Variants in HIPK1 observed in about 807,000 individuals in gnomAD.
The protein encoded by HIPK1 is homeodomain interacting protein kinase 1.
In HIPK1, 28 loss-of-function variants were observed where a neutral mutation model predicts 117.1. The ratio of observed to expected loss-of-function variants is 0.24; its 90% CI spans 0.18 to 0.33. The LOEUF is 0.33. Ranked by LOEUF, HIPK1 falls within the 10% of genes least tolerant of loss-of-function variation. The pLI, the probability that HIPK1 is intolerant of heterozygous loss-of-function variation, is 1.00. For synonymous variants in HIPK1, 605 were observed against 562.5 expected, an observed-to-expected ratio of 1.08 and a Z score of -1.07; for missense variants, 1,122 against 1,475.1, an observed-to-expected ratio of 0.76 and a Z score of 3.92.
Position 113,971,895 on chromosome 1 carries a change from A to G in HIPK1, c.3085A>G (p.Thr1029Ala). 2 of 1,606,870 alleles carry G rather than the reference A, an allele frequency of 1.2e-6. No individual in the cohort carries two copies. Among genetic ancestry groups the G allele is most frequent in the Non-Finnish European group, 1.7e-6 (2 of 1,177,232 alleles). The change falls in exon 15 of 16, where the codon ACA (threonine) becomes GCA (alanine). Residue 1029 changes from threonine to alanine, a missense_variant. Thr to Ala is a moderately conservative substitution (Grantham distance 58). Around this residue, in one of 6 missense-constraint regions of HIPK1, gnomAD observed 731 missense variants for 860.4 expected, o/e 0.85. Coordinates refer to ENST00000426820, the MANE Select transcript of HIPK1 (RefSeq NM_198268.3). ...GQSSGCCITPTGYRAQRGGTS... is the reference protein window; with the variant it reads ...GQSSGCCITPAGYRAQRGGTS... ...GTCATCTGGATGCTGTATCACCCCC[A>G]CAGGGTATCGAGCTCAACGCGGGGG...
At chr1:113,939,778 A>G (rs1571656956) in intron 1 of HIPK1, among the ~76,000 whole-genome samples, 1 of 152,170 alleles carries the variant, frequency 6.6e-6, no homozygotes, top group East Asian at 1.9e-4. Context: ...AGATGTTTGG[A>G]CTTTATTCTG....
intron 1 of HIPK1, among the ~76,000 whole-genome samples, chr1:113,938,449 C>T (rs546375506): frequency 7.9e-5 from 12 of 152,032 alleles, no homozygotes; most frequent in South Asian, 4.2e-4. Flanking sequence ...TGAGAAACCC[C>T]GGGAGAAGGG....
intron 14 of HIPK1, 22 bp from the exon 15 acceptor site, chr1:113,971,802 A>T (rs781769261): frequency 7.6e-6 from 12 of 1,589,374 alleles, no homozygotes; most frequent in Non-Finnish European, 9.4e-6. Flanking sequence ...ACTCATAACT[A>T]TTAAGCCTGG....
At chr1:113,960,416 A>G (rs1294871867) in intron 8 of HIPK1, among the ~76,000 whole-genome samples, 2 of 152,182 alleles carry the variant, frequency 1.3e-5, no homozygotes, top group Non-Finnish European at 1.5e-5. Flanking sequence ...GGTCAGTACT[A>G]TAAATACTAC....
At chr1:113,951,287 A>G (rs1671348279) in intron 2 of HIPK1, 7 of 982,978 alleles carry the variant, frequency 7.1e-6, no homozygotes, top group Non-Finnish European at 8.5e-6. Context: ...AAATTTACAT[A>G]GATGAGTATG....
chr1:113,952,023 C>G (rs1671400779), intron 2 of HIPK1, among the ~76,000 whole-genome samples: 4 of 141,770 alleles, frequency 2.8e-5, no homozygotes, highest in Admixed American at 2.2e-4. Flanking sequence ...ACTGCAACCT[C>G]TACCTCCTGG....
At chr1:113,966,371 A>G in intron 11 of HIPK1, 99 bp downstream of exon 11, 2 of 1,135,420 alleles carry the variant, frequency 1.8e-6, no homozygotes, top group East Asian at 2.6e-5. Flanking sequence ...AAATAAAGGA[A>G]AATTTGACAC....
intron 1 of HIPK1, among the ~76,000 whole-genome samples, chr1:113,938,473 TAAG>T (rs1161919039): frequency 1.3e-5 from 2 of 152,078 alleles, no homozygotes; most frequent in Non-Finnish European, 2.9e-5. Flanking sequence ...GCAAGATGGT[TAAG>T]AAGAGAGAGC....
chr1:113,940,608 C>T lies in HIPK1; in HGVS notation c.225C>T (p.Leu75=), dbSNP rs1168205926. Residue 75 remains leucine (L), a synonymous_variant, in exon 2 of 16, where the codon CTC becomes CTT. Transcript: ENST00000426820. The part of the protein sequence containing the change: ...FNIPAYDQGL[L]LPAPAVEHIV... The stretch of plus-strand genomic sequence containing the variant: ...TCCCTGCTTACGACCAGGGCCTCCT[C>T]CTCCCAGCTCCTGCAGTGGAGCATA... 12 of 1,614,098 alleles carry T rather than the reference C, an allele frequency of 7.4e-6. No individual in the cohort carries two copies. The highest frequency in any genetic ancestry group is 9.3e-6 in the Non-Finnish European group (11 of 1,180,052).
At chr1:113,930,024 T>C (rs1453091791) in intron 1 of HIPK1, 34 of 984,848 alleles carry the variant, frequency 3.5e-5, no homozygotes, top group Non-Finnish European at 4.1e-5. Context: ...GGCCGCCGGC[T>C]CTCCTGGAGC....
rs878921732 is a variant in HIPK1 at position 113,941,482 on chromosome 1, C to G, written c.1076+23C>G. The G allele has an allele frequency of 6.3e-7, 1 of 1,574,834 alleles. No individual in the cohort carries two copies. On this transcript the variant is annotated intron_variant, in intron 2 of 15. Transcript: ENST00000426820. The surrounding 1 kb of genome is among the most constrained non-coding windows in gnomAD (Gnocchi z 4.9). Reference sequence around the variant, plus strand: ...CAGGCAAGTGGCAAATGCTGAAAATCGTATCTTAGGCTAGAGTTCTGTCCT... The same window carrying G: ...CAGGCAAGTGGCAAATGCTGAAAATGGTATCTTAGGCTAGAGTTCTGTCCT...
intron 14 of HIPK1, among the ~76,000 whole-genome samples, chr1:113,970,999 G>A (rs986373915): frequency 6.6e-6 from 1 of 152,224 alleles, no homozygotes; most frequent in African/African-American, 2.4e-5. Flanking sequence ...CTGCTTTTCA[G>A]TGACAACTTC....
At position 113,929,411 on chromosome 1, in the gene HIPK1, C is replaced by A. The variant is rs1383294666; in HGVS notation, c.-124C>A. 8.5e-6 allele frequency: 11 copies of A among 1,289,222 alleles called. No homozygotes were observed. The Admixed American group carries it at 2.3e-4, about 27-fold the overall frequency. 79.9% of individuals were successfully genotyped at this position (1,289,222 alleles called of 1,614,324 possible). A position where few individuals can be genotyped will look rare whatever the true frequency, so the allele number is the denominator to read the frequency against. On this transcript the variant is annotated 5_prime_UTR_variant, in exon 1 of 16. Coordinates refer to ENST00000426820, the MANE Select transcript of HIPK1 (RefSeq NM_198268.3). ...GTGCGGAGGGGGCGGGAAGTCCAGG[C>A]CCCGCACTCGATCCACGCTGGCTCC...
At chr1:113,935,092 C>T (rs1000068284) in intron 1 of HIPK1, among the ~76,000 whole-genome samples, 11 of 149,534 alleles carry the variant, frequency 7.4e-5, no homozygotes, top group Non-Finnish European at 1.3e-4. Context: ...ATCTATATGT[C>T]ACAGGGGTTT....
chr1:113,972,211 G>C lies in HIPK1; in HGVS notation c.3144+257G>C, dbSNP rs561428995. 5.2e-6 allele frequency: 5 copies of C among 962,268 alleles called. No homozygotes were observed. The Admixed American group carries it at 1.3e-4, about 26-fold the overall frequency. 59.6% of individuals were successfully genotyped at this position (962,268 alleles called of 1,614,324 possible). On this transcript the variant is annotated intron_variant, in intron 15 of 15. Transcript: ENST00000426820. ...CCTGGAAGGTTAGAGAAACGTCTGG[G>C]ATTTAGAAAGAGCCTGGGGTGCTTT... is the stretch of plus-strand genomic sequence containing the variant.
In HIPK1 at chr1:113,971,245, G is replaced by A. The variant is rs111775191; in HGVS notation, c.3014-579G>A. ...ACTGAATAGAATTATTAGTACCTCCGTGTGCTCTTGGGTCCAGAGAATATA... is the reference window on the plus strand; with the variant it reads ...ACTGAATAGAATTATTAGTACCTCCATGTGCTCTTGGGTCCAGAGAATATA... On this transcript the variant is annotated intron_variant, in intron 14 of 15. Transcript: ENST00000426820. Among the ~76,000 whole-genome samples, 429 of 152,284 alleles carry A rather than the reference G, an allele frequency of 2.8e-3. 3 individuals are homozygous for A. Among genetic ancestry groups the A allele is most frequent in the African/African-American group, 0.01 (419 of 41,562 alleles).
intron 11 of HIPK1, 48 bp downstream of exon 11, chr1:113,966,320 A>G: frequency 6.4e-7 from 1 of 1,560,188 alleles, no homozygotes; most frequent in Non-Finnish European, 8.7e-7. Flanking sequence ...CCGATCCCAT[A>G]GGGTGGGAGC....
At chr1:113,938,909 CAAA>C (rs55998621) in intron 1 of HIPK1, among the ~76,000 whole-genome samples, 4 of 25,348 alleles carry the variant, frequency 1.6e-4, no homozygotes, top group Admixed American at 4.9e-4. Context: ...GACTCTGTCT[CAAA>C]AAAAAAAAAA....
chr1:113,945,401 G>A (rs909640274), intron 2 of HIPK1, among the ~76,000 whole-genome samples: 1 of 152,168 alleles, frequency 6.6e-6, no homozygotes, highest in Non-Finnish European at 1.5e-5. Context: ...TATCCAAGAA[G>A]TCACTGTTAA....
Sources: allele counts gnomAD v4.1 joint callset (sites outside exome capture counted in the v4.1 genomes callset), GRCh38; gene constraint gnomAD v4.1.1; regional missense constraint gnomAD v4.1.1; non-coding constraint Gnocchi (gnomAD v3.1); transcripts MANE v1.5; gene names NCBI Gene and HGNC (gene_info 2026-07-23, HGNC 2026-07-21).